The following CPQ variants were observed in gnomAD, a reference collection of about 807,000 sequenced individuals.
CPQ encodes the protein Ser-Met dipeptidase.
In CPQ, 37 loss-of-function variants were observed where a neutral mutation model predicts 45.7. The observed-to-expected ratio is 0.81, with a 90% CI of 0.62 to 1.07. CPQ has a LOEUF of 1.07. Among genes scored for constraint, CPQ ranks in the 50% least tolerant of loss-of-function variants. The probability of loss-of-function intolerance (pLI) is 0.00; values close to 1 mark genes in which losing one functional copy is unlikely to be tolerated. For missense variants in CPQ, 537 were observed against 572.9 expected (o/e 0.94, Z 0.64); for synonymous variants, 186 against 205.8 (o/e 0.90, Z 0.82).
chr8:96,803,035 G>A (rs1046349042), intron 2 of CPQ, among the ~76,000 whole-genome samples: 2 of 151,778 alleles, frequency 1.3e-5, no homozygotes, highest in Non-Finnish European at 2.9e-5. Context: ...CCTCTTTGGA[G>A]GCCAAGAAGT....
intron 3 of CPQ, among the ~76,000 whole-genome samples, chr8:96,842,707 A>G (rs1415431560): frequency 6.6e-6 from 1 of 152,084 alleles, no homozygotes; most frequent in Admixed American, 6.6e-5. Context: ...AGGTAGTGTG[A>G]CAGGCATGCT....
At chr8:96,718,504 C>A (rs1461232994) in intron 1 of CPQ, among the ~76,000 whole-genome samples, 2 of 152,154 alleles carry the variant, frequency 1.3e-5, no homozygotes, top group Non-Finnish European at 2.9e-5. Flanking sequence ...AGGAGTGAAG[C>A]TGCAGACCTT....
intron 4 of CPQ, among the ~76,000 whole-genome samples, chr8:96,956,769 C>G (rs1178908407): frequency 6.6e-6 from 1 of 152,140 alleles, no homozygotes; most frequent in African/African-American, 2.4e-5. Flanking sequence ...TTAATTTTTG[C>G]AACATCTCCT....
At chr8:97,032,096 C>G (rs1412836775) in intron 6 of CPQ, among the ~76,000 whole-genome samples, 1 of 152,180 alleles carries the variant, frequency 6.6e-6, no homozygotes, top group African/African-American at 2.4e-5. Context: ...TGCCAGCAGA[C>G]AGTCCAACAA....
At chr8:97,106,768 G>C (rs935039325) in intron 7 of CPQ, among the ~76,000 whole-genome samples, 4 of 152,076 alleles carry the variant, frequency 2.6e-5, no homozygotes, top group African/African-American at 9.7e-5. Context: ...AAGAGCCCTG[G>C]CAGTTCCATC....
chr8:96,680,736 CAGA>C (rs1418069689), intron 1 of CPQ, among the ~76,000 whole-genome samples: 1 of 152,022 alleles, frequency 6.6e-6, no homozygotes, highest in Non-Finnish European at 1.5e-5. Context: ...TTAGAGGGCT[CAGA>C]AGAAGATAGG....
At chr8:96,970,587 G>A (rs1390443089) in intron 5 of CPQ, among the ~76,000 whole-genome samples, 1 of 147,158 alleles carries the variant, frequency 6.8e-6, no homozygotes, top group African/African-American at 2.5e-5. Flanking sequence ...TTTTTGAGAC[G>A]GAGTCTCGCT....
chr8:96,987,096 G>A (rs537944008), intron 5 of CPQ, among the ~76,000 whole-genome samples: 18 of 152,124 alleles, frequency 1.2e-4, no homozygotes, highest in South Asian at 8.3e-4. Context: ...CCTACTGCTT[G>A]TATTAAAAGG....
chr8:97,039,963 A>T (rs923886272), intron 6 of CPQ, among the ~76,000 whole-genome samples: 4 of 152,084 alleles, frequency 2.6e-5, no homozygotes, highest in Non-Finnish European at 5.9e-5. Context: ...GTGTCTTTAT[A>T]GCAGCATGAT....
At chr8:96,765,776 G>C (rs575865125) in intron 1 of CPQ, among the ~76,000 whole-genome samples, 1 of 152,236 alleles carries the variant, frequency 6.6e-6, no homozygotes, top group African/African-American at 2.4e-5. Flanking sequence ...ATGGAACAGC[G>C]GATTCTTAAT....
chr8:96,649,038 G>A (rs1458331269), intron 1 of CPQ, among the ~76,000 whole-genome samples: 1 of 152,220 alleles, frequency 6.6e-6, no homozygotes, highest in East Asian at 1.9e-4. Flanking sequence ...CTGGAGTGCC[G>A]TGGCAAGATC....
intron 7 of CPQ, among the ~76,000 whole-genome samples, chr8:97,093,732 A>G (rs1811164320): frequency 6.6e-6 from 1 of 152,124 alleles, no homozygotes; most frequent in Non-Finnish European, 1.5e-5. Flanking sequence ...TCCTTTCTGT[A>G]TTCTTTGTAA....
intron 4 of CPQ, among the ~76,000 whole-genome samples, chr8:96,918,566 C>G (rs1012759325): frequency 1.3e-5 from 2 of 152,076 alleles, no homozygotes; most frequent in African/African-American, 4.8e-5. Flanking sequence ...TTTACTCAGG[C>G]TGCTTCATTG....
At chr8:96,898,778 A>AT (rs1241861689) in intron 4 of CPQ, among the ~76,000 whole-genome samples, 7 of 56,588 alleles carry the variant, frequency 1.2e-4, no homozygotes, top group East Asian at 4.3e-4. Context: ...GGGTATAATA[A>AT]AAAAAAAAAA....
chr8:96,730,234 A>G (rs1027113262), intron 1 of CPQ, among the ~76,000 whole-genome samples: 3 of 152,222 alleles, frequency 2.0e-5, no homozygotes, highest in Non-Finnish European at 2.9e-5. Context: ...TGATAATCCT[A>G]TTGGCTGTAT....
intron 2 of CPQ, among the ~76,000 whole-genome samples, chr8:96,790,396 G>C (rs1476467005): frequency 3.9e-5 from 6 of 152,130 alleles, no homozygotes. Context: ...GGGGTGATCA[G>C]AGTCTTAGTA....
At chr8:96,996,141 A>T (rs974783408) in intron 5 of CPQ, among the ~76,000 whole-genome samples, 2 of 152,098 alleles carry the variant, frequency 1.3e-5, no homozygotes, top group African/African-American at 2.4e-5. Flanking sequence ...ATTTCCACAG[A>T]TTCAGCAATT....
intron 7 of CPQ, among the ~76,000 whole-genome samples, chr8:97,081,926 T>A (rs899525055): frequency 5.3e-5 from 8 of 152,168 alleles, no homozygotes; most frequent in African/African-American, 1.9e-4. Context: ...ACCTACCTCA[T>A]GAGATTATAT....
At chr8:96,926,561 TTCCTCTTCC>T (rs1812878984) in intron 4 of CPQ, among the ~76,000 whole-genome samples, 2 of 114,030 alleles carry the variant, frequency 1.8e-5, no homozygotes, top group African/African-American at 4.1e-5. Flanking sequence ...CCTCTTCCTC[TTCCTCTTCC>T]TCTTCCTCTT....
Sources: gnomAD v4.1 joint callset for allele counts (sites outside exome capture counted in the v4.1 genomes callset) on GRCh38, gnomAD v4.1.1 for gene constraint, MANE v1.5 for transcripts, NCBI Gene and HGNC (gene_info 2026-07-23, HGNC 2026-07-21) for gene names.